Variants in STAT2 observed in about 807,000 individuals in gnomAD.
The protein encoded by STAT2 is interferon alpha induced transcriptional activator.
A neutral mutation model predicts 122.3 loss-of-function variants in STAT2; 51 were observed. The observed-to-expected ratio is 0.42, with a 90% CI of 0.33 to 0.53. STAT2 has a LOEUF of 0.53. Among genes scored for constraint, STAT2 ranks in the 20% least tolerant of loss-of-function variants. STAT2 has a pLI of 0.10. For missense variants in STAT2, 736 were observed against 1,010.3 expected, an observed-to-expected ratio of 0.73 and a Z score of 3.68; for synonymous variants, 351 against 394.9, an observed-to-expected ratio of 0.89 and a Z score of 1.32.
chr12:56,345,665 A>G (rs1877338257), intron 22 of STAT2, among the ~76,000 whole-genome samples: 1 of 147,706 alleles, frequency 6.8e-6, no homozygotes. Flanking sequence ...AAAAAATACA[A>G]AAAAAATTAG....
rs575929197 is a variant in STAT2, at chr12:56,343,667, G to A, written c.2414-136C>T. ...AACTTGTGGGATGAAAGAGCAGGGA[G>A]GTGGGGGAAGGCATGTGTAATTCCT... On this transcript the variant is annotated intron_variant, in intron 23 of 23. Coordinates refer to ENST00000314128, the MANE Select transcript of STAT2 (RefSeq NM_005419.4). 1.0e-4 allele frequency: 154 copies of A among 1,516,518 alleles called. No homozygotes were observed. The Middle Eastern group carries it at 1.2e-3, about 12-fold the overall frequency. 93.9% of individuals were successfully genotyped at this position (1,516,518 alleles called of 1,614,324 possible). A position where few individuals can be genotyped will look rare whatever the true frequency, so the allele number is the denominator to read the frequency against.
chr12:56,343,215 G>C lies in STAT2; in HGVS notation c.*174C>G. 1 of 808,168 alleles carries C rather than the reference G, an allele frequency of 1.2e-6. No homozygotes were observed. 50.1% of individuals were successfully genotyped at this position (808,168 alleles called of 1,614,324 possible). Reference sequence around the variant, plus strand: ...GTTCTGATTCATTGTTGTCCCCTCTGTACCCATGTTATGCTTTCACCTCTC... The same window carrying C: ...GTTCTGATTCATTGTTGTCCCCTCTCTACCCATGTTATGCTTTCACCTCTC... On this transcript the variant is annotated 3_prime_UTR_variant, in exon 24 of 24. Coordinates refer to ENST00000314128, the MANE Select transcript of STAT2 (RefSeq NM_005419.4).
In STAT2 at chr12:56,355,269, T is replaced by C; in HGVS notation, c.547+7A>G. On this transcript the variant is annotated splice_region_variant and intron_variant, in intron 6 of 23. Transcript: ENST00000314128. ...ATCTTTCTCCAGCCCCTCAATGTGC[T>C]TCCTACCTTTGGCCTGGATCTTATA... 6.2e-7 allele frequency: 1 copy of C among 1,614,194 alleles called. No homozygotes were observed. Among genetic ancestry groups the C allele is most frequent in the Non-Finnish European group, 8.5e-7 (1 of 1,180,028 alleles).
At chr12:56,351,839 T>C (rs551518972) in intron 8 of STAT2, among the ~76,000 whole-genome samples, 13 of 151,914 alleles carry the variant, frequency 8.6e-5, no homozygotes, top group Non-Finnish European at 1.8e-4. Context: ...GTCATACAAC[T>C]AGTAAGGGAT....
At chr12:56,347,531 C>T (rs935710036) in intron 19 of STAT2, among the ~76,000 whole-genome samples, 4 of 150,800 alleles carry the variant, frequency 2.7e-5, no homozygotes, top group Non-Finnish European at 1.5e-5. Context: ...GAGACAGAGT[C>T]TTGCTCTGTC....
intron 22 of STAT2, 94 bp from the exon 23 acceptor site, chr12:56,344,229 T>C: frequency 7.5e-6 from 11 of 1,457,352 alleles, no homozygotes; most frequent in Non-Finnish European, 1.0e-5. Flanking sequence ...AAGAAGGCAG[T>C]AGGGCGGAGG....
At chr12:56,351,554 G>C (rs969675252) in intron 8 of STAT2, 104 bp from the exon 9 acceptor site, 31 of 1,218,398 alleles carry the variant, frequency 2.5e-5, no homozygotes, top group Non-Finnish European at 3.0e-5. Flanking sequence ...GAAACTGACT[G>C]GGGGGAAGAA....
intron 2 of STAT2, 47 bp downstream of exon 2, chr12:56,356,394 A>G (rs1284555536): frequency 2.5e-6 from 4 of 1,609,860 alleles, no homozygotes; most frequent in South Asian, 1.1e-5. Context: ...GGGGCCCAGA[A>G]GTAAGGAACC....
Position 56,355,875 on chromosome 12 carries a change from C to G in STAT2, c.286-72G>C. 2.1e-6 allele frequency: 3 copies of G among 1,448,584 alleles called. No homozygotes were observed. In the East Asian group the frequency reaches 6.9e-5, roughly 33 times the overall value. The allele number at this position is 1,448,584 out of a possible 1,614,324, so 89.7% of individuals were successfully genotyped here. On this transcript the variant is annotated intron_variant, in intron 3 of 23. Coordinates refer to ENST00000314128, the MANE Select transcript of STAT2 (RefSeq NM_005419.4). ...ATGACCTATTGCCCTAGACCCTCCC[C>G]ACCAATGTCCACAGTATTTCCTCCT...
chr12:56,356,336 C>T, intron 2 of STAT2, 51 bp from the exon 3 acceptor site: 4 of 1,606,018 alleles, frequency 2.5e-6, no homozygotes, highest in Middle Eastern at 3.3e-4. Context: ...TTACTGTAGT[C>T]CTGAGGCTTT....
At position 56,348,537 on chromosome 12, in the gene STAT2, C is replaced by T; in HGVS notation, c.1716G>A (p.Trp572Ter). ...ELVHDHLKDLWNDGRIMGFVS... is the reference protein window; with the variant it reads ...ELVHDHLKDL ...GGTGACCAAGGCCTTACCCATCATTCCAGAGATCCTTCAGGTGGTCATGTA... is the reference window on the plus strand; with the variant it reads ...GGTGACCAAGGCCTTACCCATCATTTCAGAGATCCTTCAGGTGGTCATGTA... The change falls in exon 19 of 24, where the codon TGG becomes TGA. Residue 572 changes from tryptophan to a stop codon, truncating the protein, a stop_gained. Coordinates refer to ENST00000314128, the MANE Select transcript of STAT2 (RefSeq NM_005419.4). LOFTEE classifies it high-confidence loss of function. 6.2e-7 allele frequency: 1 copy of T among 1,614,162 alleles called. No individual in the cohort carries two copies. Among genetic ancestry groups the T allele is most frequent in the Non-Finnish European group, 8.5e-7 (1 of 1,180,034 alleles).
chr12:56,355,036 C>A, intron 6 of STAT2, 173 bp from the exon 7 acceptor site: 1 of 738,928 alleles, frequency 1.4e-6, no homozygotes, highest in Non-Finnish European at 2.3e-6. Context: ...TTGGACCAGA[C>A]ACCCCCTCAA....
intron 11 of STAT2, 65 bp downstream of exon 11, chr12:56,350,764 A>C (rs1878336153): frequency 6.4e-7 from 1 of 1,557,930 alleles, no homozygotes; most frequent in Non-Finnish European, 8.9e-7. Flanking sequence ...CCTGTTGTGA[A>C]GAGTGAGTAT....
chr12:56,349,274 C>T lies in STAT2; in HGVS notation c.1342-13G>A. On this transcript the variant is annotated splice_polypyrimidine_tract_variant and intron_variant, in intron 15 of 23. Coordinates refer to ENST00000314128, the MANE Select transcript of STAT2 (RefSeq NM_005419.4). ...GGAGGGTGTCCGTCTGGGGAGAAGA[C>T]AGGAGTCACAGAGAGGGATGTGATG... is the stretch of plus-strand genomic sequence containing the variant. 5 of 1,614,136 alleles carry T rather than the reference C, an allele frequency of 3.1e-6. No homozygotes were observed. Among genetic ancestry groups the T allele is most frequent in the Non-Finnish European group, 4.2e-6 (5 of 1,180,018 alleles).
intron 1 of STAT2, among the ~76,000 whole-genome samples, chr12:56,358,327 A>T (rs1371072647): frequency 1.4e-4 from 21 of 149,610 alleles, no homozygotes; most frequent in African/African-American, 4.9e-4. Context: ...CTCACTGCAA[A>T]CTCTGCCTCC....
intron 8 of STAT2, among the ~76,000 whole-genome samples, chr12:56,353,750 T>C (rs1249430929): frequency 6.6e-6 from 1 of 151,430 alleles, no homozygotes; most frequent in Non-Finnish European, 1.5e-5. Flanking sequence ...TCCCAGCACT[T>C]TGGGAGCCCA....
intron 8 of STAT2, among the ~76,000 whole-genome samples, chr12:56,352,704 C>CTT (rs113384062): frequency 6.9e-6 from 1 of 145,202 alleles, no homozygotes. Context: ...TTTTAATCTA[C>CTT]TTTTTTTTTT....
chr12:56,359,979 G>A, intron 1 of STAT2, 79 bp downstream of exon 1: 3 of 936,236 alleles, frequency 3.2e-6, no homozygotes, highest in Non-Finnish European at 3.8e-6. Context: ...GTAACCCCTG[G>A]GGCCAGTCGC....
In STAT2 at chr12:56,348,999, T is replaced by A. The variant is rs1359517748; in HGVS notation, c.1501A>T (p.Ser501Cys). 1 of 1,613,952 alleles carries A rather than the reference T, an allele frequency of 6.2e-7. No homozygotes were observed. The highest frequency in any genetic ancestry group is 1.1e-5 in the South Asian group (1 of 91,046). The change falls in exon 17 of 24, where the codon AGT becomes TGT. Residue 501 changes from serine to cysteine, a missense_variant. Transcript: ENST00000314128. The part of the protein sequence containing the change: ...APWSLLGPAL[S>C]WQFSSYVGRG... Reference sequence around the variant, plus strand: ...CCAACATAGGAGGAGAACTGCCAACTGAGAGCAGGGCCCAGCAAGCTCCAG... The same window carrying A: ...CCAACATAGGAGGAGAACTGCCAACAGAGAGCAGGGCCCAGCAAGCTCCAG...
Sources: allele counts gnomAD v4.1 joint callset (sites outside exome capture counted in the v4.1 genomes callset), GRCh38; gene constraint gnomAD v4.1.1; transcripts MANE v1.5; gene names NCBI Gene and HGNC (gene_info 2026-07-23, HGNC 2026-07-21).